MEMO1: variants seen among roughly 807,000 people sequenced by gnomAD.
MEMO1 encodes mediator of cell motility 1, also known as protein MEMO1.
MEMO1 carries 6 observed loss-of-function variants against 45.2 expected under a neutral mutation model. The observed-to-expected ratio is 0.13, with a 90% confidence interval of 0.07 to 0.26. MEMO1 has a LOEUF of 0.26. Among genes scored for constraint, MEMO1 ranks in the 10% least tolerant of loss-of-function variants. The pLI is 1.00. For synonymous variants in MEMO1, 78 were observed against 124.3 expected (o/e 0.63, Z 2.48); for missense variants, 184 against 370.5 (o/e 0.50, Z 4.13).
At chr2:31,907,786 AAC>A (rs3065385) in intron 6 of MEMO1, among the ~76,000 whole-genome samples, 6,845 of 145,278 alleles carry the variant, frequency 0.047, 182 homozygotes, top group African/African-American at 0.078. Flanking sequence ...CCGTGTCTTA[AAC>A]ACACACACAC....
chr2:31,965,020 T>A (rs1004785976), intron 2 of MEMO1, among the ~76,000 whole-genome samples: 8 of 151,210 alleles, frequency 5.3e-5, no homozygotes, highest in African/African-American at 1.9e-4. Flanking sequence ...TTGAGACGAG[T>A]CTGGCCAACA....
At chr2:31,966,398 A>G (rs1190814683) in intron 2 of MEMO1, among the ~76,000 whole-genome samples, 4 of 152,196 alleles carry the variant, frequency 2.6e-5, no homozygotes, top group Non-Finnish European at 5.9e-5. Context: ...TGAAAGATGA[A>G]TAGTAAGTAT....
chr2:31,966,746 G>GAAAAAAAAAAAAAAAAAAAAAA (rs1668668953), intron 2 of MEMO1, among the ~76,000 whole-genome samples: 1 of 102,692 alleles, frequency 9.7e-6, no homozygotes. Context: ...AAAAAAAAAT[G>GAAAAAAAAAAAAAAAAAAAAAA]AAAAAAATAA....
intron 2 of MEMO1, among the ~76,000 whole-genome samples, chr2:31,987,379 A>G (rs1671396079): frequency 1.3e-5 from 2 of 152,190 alleles, no homozygotes; most frequent in African/African-American, 4.8e-5. Context: ...GGCATAGGCC[A>G]TATCATGTGG....
rs189454587 is a variant in MEMO1 at position 31,947,548 on chromosome 2, A to T, written c.62-4165T>A. Reference sequence around the variant, plus strand: ...TTTGAAGAAATACTGATAAATGGAAAAAGAAAAAGCATTGCTAAATCCTAG... The same window carrying T: ...TTTGAAGAAATACTGATAAATGGAATAAGAAAAAGCATTGCTAAATCCTAG... On this transcript the variant is annotated intron_variant, in intron 2 of 9. Coordinates refer to ENST00000404530, the MANE Select transcript of MEMO1 (RefSeq NM_001301833.4). Among the ~76,000 whole-genome samples, 336 of 152,326 alleles carry T rather than the reference A, an allele frequency of 2.2e-3. 1 individual carries two copies. Among genetic ancestry groups the T allele is most frequent in the African/African-American group, 8.0e-3 (331 of 41,568 alleles).
At chr2:31,954,831 T>C (rs1667226919) in intron 2 of MEMO1, among the ~76,000 whole-genome samples, 1 of 150,668 alleles carries the variant, frequency 6.6e-6, no homozygotes, top group South Asian at 2.1e-4. Flanking sequence ...CGAAACTCTG[T>C]TTTGAAAAAA....
chr2:31,884,468 T>A (rs990665060), intron 7 of MEMO1, among the ~76,000 whole-genome samples: 1 of 152,194 alleles, frequency 6.6e-6, no homozygotes, highest in Non-Finnish European at 1.5e-5. Flanking sequence ...GCAATGTTGA[T>A]ATATCCAGTT....
intron 2 of MEMO1, among the ~76,000 whole-genome samples, chr2:31,996,980 A>G (rs983048051): frequency 2.0e-5 from 3 of 152,200 alleles, no homozygotes; most frequent in African/African-American, 7.2e-5. Flanking sequence ...CTTGTAATGC[A>G]CCACAAGTCT....
chr2:31,923,794 T>C, intron 4 of MEMO1: 3 of 1,486,410 alleles, frequency 2.0e-6, no homozygotes, highest in Non-Finnish European at 1.8e-6. Flanking sequence ...ATTCAAGGCA[T>C]ACATAAATTT....
chr2:31,873,522 C>A (rs1338216597), intron 8 of MEMO1, among the ~76,000 whole-genome samples: 1 of 152,038 alleles, frequency 6.6e-6, no homozygotes, highest in Non-Finnish European at 1.5e-5. Context: ...GATAAGACAA[C>A]AAATTATCTT....
At chr2:31,967,171 TG>T (rs1558539823) in intron 2 of MEMO1, among the ~76,000 whole-genome samples, 1 of 151,272 alleles carries the variant, frequency 6.6e-6, no homozygotes, top group Non-Finnish European at 1.5e-5. Flanking sequence ...TTGCCCAGGC[TG>T]GAGTGCAGCG....
At chr2:31,908,314 G>A (rs955833669) in intron 6 of MEMO1, among the ~76,000 whole-genome samples, 2 of 152,064 alleles carry the variant, frequency 1.3e-5, no homozygotes, top group African/African-American at 2.4e-5. Flanking sequence ...GATATAAACA[G>A]GTGCTAGTTA....
At chr2:31,952,554 G>C (rs572593835) in intron 2 of MEMO1, among the ~76,000 whole-genome samples, 2 of 152,084 alleles carry the variant, frequency 1.3e-5, no homozygotes, top group African/African-American at 4.8e-5. Context: ...ACTGATTCCT[G>C]TAACAGTCCA....
intron 2 of MEMO1, among the ~76,000 whole-genome samples, chr2:31,961,741 A>G (rs773595924): frequency 6.6e-6 from 1 of 151,960 alleles, no homozygotes; most frequent in Non-Finnish European, 1.5e-5. Context: ...TCGTGCTACT[A>G]TACTGCAGCC....
intron 6 of MEMO1, among the ~76,000 whole-genome samples, chr2:31,900,226 C>A (rs1038796562): frequency 2.0e-5 from 3 of 152,188 alleles, no homozygotes; most frequent in African/African-American, 7.2e-5. Context: ...AAGACACATG[C>A]ACACATATGT....
At chr2:31,903,425 T>TG (rs879538624) in intron 6 of MEMO1, among the ~76,000 whole-genome samples, 1,140 of 46,188 alleles carry the variant, frequency 0.025, 4 homozygotes, top group Admixed American at 0.034. Context: ...AACAGGGGGG[T>TG]GGGGGGGGAC....
intron 7 of MEMO1, among the ~76,000 whole-genome samples, chr2:31,883,667 T>G (rs1675738333): frequency 6.6e-6 from 1 of 152,136 alleles, no homozygotes; most frequent in South Asian, 2.1e-4. Context: ...CAATGTTTTA[T>G]GATGTTAAGA....
intron 2 of MEMO1, among the ~76,000 whole-genome samples, chr2:31,984,698 C>A (rs918827548): frequency 6.6e-6 from 1 of 152,092 alleles, no homozygotes; most frequent in Non-Finnish European, 1.5e-5. Flanking sequence ...CCCAGCCAGT[C>A]GGGAGGCTGA....
intron 4 of MEMO1, among the ~76,000 whole-genome samples, chr2:31,923,294 C>CT (rs1682604176): frequency 6.6e-6 from 1 of 152,074 alleles, no homozygotes; most frequent in South Asian, 2.1e-4. Context: ...TGTTCATGTC[C>CT]TTTGCCCTCT....
Sources: allele counts gnomAD v4.1 joint callset (sites outside exome capture counted in the v4.1 genomes callset), GRCh38; gene constraint gnomAD v4.1.1; transcripts MANE v1.5; gene names NCBI Gene and HGNC (gene_info 2026-07-23, HGNC 2026-07-21).